SUPT3H: variants seen among roughly 807,000 people sequenced by gnomAD.
The protein encoded by SUPT3H is transcription initiation protein SPT3 homolog.
A neutral mutation model predicts 44.3 loss-of-function variants in SUPT3H; 44 were observed. That is an observed-to-expected ratio of 0.99 (90% CI 0.78 to 1.28). SUPT3H has a LOEUF of 1.28. Among genes scored for constraint, SUPT3H ranks in the 50% most tolerant of loss-of-function variants. The pLI is 0.00. For missense variants in SUPT3H, 380 were observed against 387.1 expected (o/e 0.98, Z 0.15); for synonymous variants, 124 against 125.6 (o/e 0.99, Z 0.09).
chr6:44,841,775 G>A (rs1297489191), intron 10 of SUPT3H, among the ~76,000 whole-genome samples: 1 of 152,164 alleles, frequency 6.6e-6, no homozygotes, highest in African/African-American at 2.4e-5. Context: ...GTTTGGAAAC[G>A]CCTCTCTGGC....
At chr6:44,936,730 C>T (rs540704935) in intron 9 of SUPT3H, among the ~76,000 whole-genome samples, 4 of 152,218 alleles carry the variant, frequency 2.6e-5, no homozygotes, top group South Asian at 4.1e-4. Context: ...TACAGTGGTG[C>T]GATCTTGACT....
chr6:45,199,939 G>C (rs556441854), intron 2 of SUPT3H, among the ~76,000 whole-genome samples: 7 of 151,298 alleles, frequency 4.6e-5, no homozygotes, highest in Admixed American at 4.6e-4. Context: ...TCTGTTCCAA[G>C]GAAAGTCAGT....
chr6:45,310,319 C>G (rs1783741819), intron 2 of SUPT3H, among the ~76,000 whole-genome samples: 1 of 152,064 alleles, frequency 6.6e-6, no homozygotes, highest in Non-Finnish European at 1.5e-5. Context: ...TAGCCCCATC[C>G]CCACCTGACA....
At chr6:45,124,855 A>G (rs56218508) in intron 2 of SUPT3H, among the ~76,000 whole-genome samples, 2,221 of 152,266 alleles carry the variant, frequency 0.015, 25 homozygotes, top group South Asian at 0.029. Context: ...AAGTTAAAAC[A>G]AGGTCATTAG....
chr6:45,024,688 A>C (rs998196683), intron 3 of SUPT3H, among the ~76,000 whole-genome samples: 15 of 152,148 alleles, frequency 9.9e-5, no homozygotes, highest in Admixed American at 9.8e-4. Flanking sequence ...GGGTACATAG[A>C]CATTTGGTCA....
At chr6:45,288,184 A>T (rs1043881936) in intron 2 of SUPT3H, among the ~76,000 whole-genome samples, 1 of 152,104 alleles carries the variant, frequency 6.6e-6, no homozygotes, top group African/African-American at 2.4e-5. Flanking sequence ...CACCTTTCAC[A>T]ATATGATATC....
intron 3 of SUPT3H, among the ~76,000 whole-genome samples, chr6:45,093,448 C>A (rs1034639723): frequency 3.3e-5 from 5 of 151,872 alleles, no homozygotes; most frequent in Non-Finnish European, 5.9e-5. Flanking sequence ...AGAGTAATAG[C>A]AGCAATGGGG....
intron 3 of SUPT3H, among the ~76,000 whole-genome samples, chr6:45,058,939 C>A (rs886642929): frequency 2.0e-5 from 3 of 152,080 alleles, no homozygotes; most frequent in African/African-American, 7.2e-5. Context: ...TTAAGTAGGT[C>A]TGATCGCTCT....
intron 2 of SUPT3H, among the ~76,000 whole-genome samples, chr6:45,167,801 T>C (rs553880533): frequency 6.6e-6 from 1 of 152,070 alleles, no homozygotes; most frequent in African/African-American, 2.4e-5. Flanking sequence ...AGAAGTTCAC[T>C]TCTTTATTTT....
intron 3 of SUPT3H, among the ~76,000 whole-genome samples, chr6:45,021,112 C>T (rs543366937): frequency 5.9e-5 from 9 of 151,988 alleles, no homozygotes; most frequent in South Asian, 4.2e-4. Context: ...AAAAAAAATA[C>T]GTTTAGTTTT....
chr6:44,834,841 A>G (rs9472377), intron 10 of SUPT3H, among the ~76,000 whole-genome samples: 18,342 of 152,070 alleles, frequency 0.12, 1,567 homozygotes, highest in African/African-American at 0.23. Context: ...AGCAGAACAA[A>G]AGTGAAGAAA....
At chr6:45,235,145 A>G in intron 2 of SUPT3H, among the ~76,000 whole-genome samples, 1 of 152,346 alleles carries the variant, frequency 6.6e-6, no homozygotes, top group Middle Eastern at 3.4e-3. Context: ...TGGATAAAAC[A>G]TTTGAAATTA....
At chr6:44,898,947 C>G (rs1158426906) in intron 10 of SUPT3H, 1 of 152,036 alleles carries the variant, frequency 6.6e-6, no homozygotes, top group African/African-American at 2.4e-5. Flanking sequence ...GTTGTTGCCC[C>G]CAAAGTTCTA....
At chr6:45,346,950 G>C (rs1299551805) in intron 2 of SUPT3H, among the ~76,000 whole-genome samples, 2 of 152,034 alleles carry the variant, frequency 1.3e-5, no homozygotes, top group Non-Finnish European at 2.9e-5. Context: ...AAAAGTAGGA[G>C]GACTTAGCAA....
chr6:44,948,385 C>G (rs980454430), intron 9 of SUPT3H, among the ~76,000 whole-genome samples: 16 of 152,264 alleles, frequency 1.1e-4, no homozygotes, highest in African/African-American at 2.2e-4. Flanking sequence ...CCAAAATTGA[C>G]AAATGGGATC....
intron 10 of SUPT3H, among the ~76,000 whole-genome samples, chr6:44,881,115 G>A (rs1403466685): frequency 6.6e-6 from 1 of 152,074 alleles, no homozygotes; most frequent in Non-Finnish European, 1.5e-5. Context: ...CATTGGATAA[G>A]ACCCATTGGT....
At chr6:44,934,430 A>C (rs771338311) in intron 9 of SUPT3H, among the ~76,000 whole-genome samples, 50 of 152,350 alleles carry the variant, frequency 3.3e-4, no homozygotes, top group Non-Finnish European at 6.9e-4. Flanking sequence ...AGAATGAGGC[A>C]GTTCCCTACA....
chr6:45,054,866 C>T (rs563083440), intron 3 of SUPT3H, among the ~76,000 whole-genome samples: 2 of 152,172 alleles, frequency 1.3e-5, no homozygotes, highest in South Asian at 2.1e-4. Context: ...AATATACATA[C>T]AGATTTCTCA....
At chr6:45,307,510 T>C (rs1783237362) in intron 2 of SUPT3H, among the ~76,000 whole-genome samples, 1 of 152,112 alleles carries the variant, frequency 6.6e-6, no homozygotes, top group African/African-American at 2.4e-5. Context: ...GCAAACAGGG[T>C]CTGGAGTGGA....
Sources: allele counts gnomAD v4.1 joint callset (sites outside exome capture counted in the v4.1 genomes callset), GRCh38; gene constraint gnomAD v4.1.1; transcripts MANE v1.5; gene names NCBI Gene and HGNC (gene_info 2026-07-23, HGNC 2026-07-21).